DCHS1: variants seen among roughly 807,000 people sequenced by gnomAD.
DCHS1 encodes dachsous cadherin-related 1.
Under a neutral mutation model 213.9 loss-of-function variants are expected in DCHS1, and 78 were observed. The ratio of observed to expected loss-of-function variants is 0.36; its 90% CI spans 0.30 to 0.44. The LOEUF (loss-of-function observed/expected upper bound fraction) is 0.44. Among genes scored for constraint, DCHS1 ranks in the 20% least tolerant of loss-of-function variants. DCHS1 has a pLI of 1.00. For synonymous variants in DCHS1, 1,828 were observed against 1,873.7 expected (o/e 0.98, Z 0.63); for missense variants, 3,946 against 4,395.9 (o/e 0.90, Z 2.89).
At position 6,627,435 on chromosome 11, in the gene DCHS1, C is replaced by T. The variant is rs147841363; in HGVS notation, c.5604G>A (p.Val1868=). The T allele has an allele frequency of 4.6e-4, 746 of 1,610,682 alleles. No homozygotes were observed. In the African/African-American group the frequency reaches 7.4e-3, roughly 16 times the overall value. ...GCTGCAGCAGCAGGGTCCCTGCAGG[C>T]ACATCCTCCGGCACCTCCACCGAGT... ...PAYSVEVPED[V]PAGTLLLQLQ... is the part of the protein sequence containing the mutation. The change falls in exon 14 of 21, where the codon GTG becomes GTA. Residue 1868 remains valine, a synonymous_variant. Transcript: ENST00000299441. The surrounding 1 kb of genome is among the most constrained non-coding windows in gnomAD (Gnocchi z 5.4).
chr11:6,648,252 A>C, intron 1 of DCHS1, among the ~76,000 whole-genome samples: 1 of 152,144 alleles, frequency 6.6e-6, no homozygotes, highest in East Asian at 1.9e-4. Flanking sequence ...TAGAGTGAGC[A>C]GAGAGTCTTG....
Position 6,647,570 on chromosome 11 carries a change from C to T in DCHS1, c.-120-5837G>A, listed in dbSNP as rs11040942. 1.5e-3 allele frequency among the ~76,000 whole-genome samples: 225 copies of T among 152,252 alleles called. 1 individual carries two copies. Among genetic ancestry groups the T allele is most frequent in the Non-Finnish European group, 2.7e-3 (185 of 68,014 alleles). On this transcript the variant is annotated intron_variant, in intron 1 of 20. Transcript: ENST00000299441. ...GTCTATTTTCTGAGCTTTTATGGTG[C>T]GCTGGGCCCTGTGCCAAGCAGCTCA...
intron 1 of DCHS1, among the ~76,000 whole-genome samples, chr11:6,650,496 G>A (rs940172080): frequency 6.6e-6 from 1 of 152,168 alleles, no homozygotes; most frequent in African/African-American, 2.4e-5. Context: ...CAGATACCAG[G>A]GCATCAGAGA....
chr11:6,632,558 C>A lies in DCHS1; in HGVS notation c.2954G>T (p.Arg985Leu). The part of the protein sequence containing the change: ...SPPRTSHFRL[R>L]VVVQDVGTRG... ...GGTTCCCACATCCTGTACCACCACC[C>A]GTAGTCGAAAGTGGCTGGTGCGTGG... is the stretch of plus-strand genomic sequence containing the variant. The change falls in exon 6 of 21, where the codon CGG becomes CTG. Residue 985 changes from arginine to leucine, a missense_variant. Arg to Leu is a moderately radical substitution (Grantham distance 102). Around this residue, in one of 3 missense-constraint regions of DCHS1, gnomAD observed 3,384 missense variants for 3,780.1 expected, o/e 0.90. Transcript: ENST00000299441. This position sits in a 1 kb window ranked among gnomAD's most constrained non-coding sequence, Gnocchi z 5.9. 6.6e-7 allele frequency: 1 copy of A among 1,520,750 alleles called. No homozygotes were observed. 94.2% of individuals were successfully genotyped at this position (1,520,750 alleles called of 1,614,324 possible). A position where few individuals can be genotyped will look rare whatever the true frequency, so the allele number is the denominator to read the frequency against.
At chr11:6,642,338 C>G (rs181180523) in intron 1 of DCHS1, among the ~76,000 whole-genome samples, 1 of 152,232 alleles carries the variant, frequency 6.6e-6, no homozygotes, top group African/African-American at 2.4e-5. Flanking sequence ...CTTCATAGAG[C>G]TTATAGTCCA....
In DCHS1 at chr11:6,623,745, C is replaced by T; in HGVS notation, c.7931G>A (p.Gly2644Asp). Residue 2644 changes from glycine (G) to aspartate (D), a missense_variant, in exon 21 of 21, where the codon GGC (glycine) becomes GAC (aspartate). Around this residue, in one of 3 missense-constraint regions of DCHS1, gnomAD observed 3,384 missense variants for 3,780.1 expected, o/e 0.90. Coordinates refer to ENST00000299441, the MANE Select transcript of DCHS1 (RefSeq NM_003737.4). ...CAGCTCAAAGAGCCCTGATGGGTCG[C>T]CTGAGCTGACAGTGAAACGCACGAG... ...HGLVRFTVSS[G>D]DPSGLFELDE... 6.2e-7 allele frequency: 1 copy of T among 1,613,916 alleles called. No homozygotes were observed. The highest frequency in any genetic ancestry group is 8.5e-7 in the Non-Finnish European group (1 of 1,179,898).
chr11:6,627,346 G>A lies in DCHS1; in HGVS notation c.5693C>T (p.Thr1898Ile), dbSNP rs907194720. ...GHVTYYLGAG[T>I]AGAFLLEPSS... ...GGGCTCCAGCAGGAAGGCTCCTGCT[G>A]TACCGGCGCCCAGGTAGTAGGTCAC... Residue 1898 changes from threonine to isoleucine, a missense_variant, in exon 14 of 21, where the codon ACA becomes ATA. Physicochemically the swap from Thr to Ile is moderately conservative, Grantham distance 89. Coordinates refer to ENST00000299441, the MANE Select transcript of DCHS1 (RefSeq NM_003737.4). This position sits in a 1 kb window ranked among gnomAD's most constrained non-coding sequence, Gnocchi z 5.4. The A allele has an allele frequency of 2.5e-6, 4 of 1,608,472 alleles. No individual in the cohort carries two copies. Among genetic ancestry groups the A allele is most frequent in the Non-Finnish European group, 2.5e-6 (3 of 1,177,558 alleles).
rs751537875 is a variant in DCHS1, at chr11:6,640,727, C to T, written c.887G>A (p.Arg296Gln). Reference protein sequence around the residue: ...VNGAVTYEINRRQSEGDGPFS... With the variant: ...VNGAVTYEINQRQSEGDGPFS... ...GGGTCCATCACCCTCGCTCTGCCTCCGGTTGATCTCGTAAGTCACAGCCCC... is the reference window on the plus strand; with the variant it reads ...GGGTCCATCACCCTCGCTCTGCCTCTGGTTGATCTCGTAAGTCACAGCCCC... The change falls in exon 2 of 21, where the codon CGG becomes CAG. Residue 296 changes from arginine (R) to glutamine (Q), a missense_variant. By Grantham distance (43) the Arg-to-Gln change is conservative. This residue lies in a region of DCHS1 where 3,384 missense variants were observed against 3,780.1 expected (regional missense o/e 0.90). Transcript: ENST00000299441. The surrounding 1 kb of genome is among the most constrained non-coding windows in gnomAD (Gnocchi z 6.5). 5.6e-6 allele frequency: 9 copies of T among 1,613,838 alleles called. No homozygotes were observed. Among genetic ancestry groups the T allele is most frequent in the African/African-American group, 1.3e-5 (1 of 74,926 alleles).
At chr11:6,642,105 C>T (rs916429339) in intron 1 of DCHS1, among the ~76,000 whole-genome samples, 1 of 152,154 alleles carries the variant, frequency 6.6e-6, no homozygotes, top group Non-Finnish European at 1.5e-5. Context: ...TATTTGGTAA[C>T]TTTTCCTGAA....
At chr11:6,646,183 T>A (rs1297211809) in intron 1 of DCHS1, among the ~76,000 whole-genome samples, 2 of 151,870 alleles carry the variant, frequency 1.3e-5, no homozygotes, top group African/African-American at 4.8e-5. Flanking sequence ...GTGTCACGTA[T>A]GCACAGACTG....
At chr11:6,631,951 G>A (rs1855914936) in intron 6 of DCHS1, 80 bp downstream of exon 6, 1 of 1,463,972 alleles carries the variant, frequency 6.8e-7, no homozygotes, top group South Asian at 1.5e-5. Flanking sequence ...ATGGGAGCTG[G>A]GGGTTGGGGA....
At position 6,655,748 on chromosome 11, in the gene DCHS1, G is replaced by C; in HGVS notation, c.-306C>G. On this transcript the variant is annotated 5_prime_UTR_variant, in exon 1 of 21. Transcript: ENST00000299441. ...CGCGCCCTTGGCCGTCGATCGGTCC[G>C]TCCGCTGACGCCCGGGCGCCGCCTC... The C allele has an allele frequency of 2.6e-5, 25 of 980,126 alleles. No homozygotes were observed. Among genetic ancestry groups the C allele is most frequent in the Non-Finnish European group, 2.9e-5 (24 of 827,976 alleles). 60.7% of individuals were successfully genotyped at this position (980,126 alleles called of 1,614,324 possible). A position where few individuals can be genotyped will look rare whatever the true frequency, so the allele number is the denominator to read the frequency against.
chr11:6,629,971 C>G, intron 10 of DCHS1, 28 bp downstream of exon 10: 1 of 1,590,022 alleles, frequency 6.3e-7, no homozygotes, highest in Non-Finnish European at 8.6e-7. Flanking sequence ...GCACCTTCCT[C>G]GCCCTCACTC....
rs1257270004 is a variant in DCHS1 at position 6,621,684 on chromosome 11, AGTCATAGTCC to A, written c.*85_*94del. ...GCCTGGTGGTGGCCTCCCCGTAGCC[AGTCATAGTCC>A]GAGGCTGCCCAGGGCAGGCTCAGAG... is the stretch of plus-strand genomic sequence containing the variant. On this transcript the variant is annotated 3_prime_UTR_variant, in exon 21 of 21. Transcript: ENST00000299441. The A allele has an allele frequency of 7.0e-7, 1 of 1,430,838 alleles. No homozygotes were observed. Among genetic ancestry groups the A allele is most frequent in the Non-Finnish European group, 9.5e-7 (1 of 1,051,274 alleles). The allele number at this position is 1,430,838 out of a possible 1,614,324, so 88.6% of individuals were successfully genotyped here.
chr11:6,623,891 G>C lies in DCHS1; in HGVS notation c.7785C>G (p.Val2595=). ...VVPVTVTVLD[V]NDNPPVFTRA... ...GGGTAAAGACAGGTGGGTTGTCATTGACATCTAGTACAGTGACAGTGACTG... is the reference window on the plus strand; with the variant it reads ...GGGTAAAGACAGGTGGGTTGTCATTCACATCTAGTACAGTGACAGTGACTG... The change falls in exon 21 of 21, where the codon GTC becomes GTG. Residue 2595 remains valine, a synonymous_variant. Transcript: ENST00000299441. 1 of 1,610,750 alleles carries C rather than the reference G, an allele frequency of 6.2e-7. No individual in the cohort carries two copies. The highest frequency in any genetic ancestry group is 2.2e-5 in the East Asian group (1 of 44,802).
Position 6,623,530 on chromosome 11 carries a change from C to T in DCHS1, c.8146G>A (p.Ala2716Thr). 1.2e-6 allele frequency: 2 copies of T among 1,608,756 alleles called. No individual in the cohort carries two copies. Among genetic ancestry groups the T allele is most frequent in the East Asian group, 2.2e-5 (1 of 44,694 alleles). Reference sequence around the variant, plus strand: ...AGAGTGCCTGGAGGCTGATTCTCGGCCACGCTGGTGCTGAGTAAGTTCAGT... The same window carrying T: ...AGAGTGCCTGGAGGCTGATTCTCGGTCACGCTGGTGCTGAGTAAGTTCAGT... ...FPLNLLSTSVAENQPPGTLVT... is the reference protein window; with the variant it reads ...FPLNLLSTSVTENQPPGTLVT... The change falls in exon 21 of 21, where the codon GCC (alanine) becomes ACC (threonine). Residue 2716 changes from alanine (A) to threonine (T), a missense_variant. Physicochemically the swap from Ala to Thr is moderately conservative, Grantham distance 58. Transcript: ENST00000299441.
chr11:6,621,870 G>C lies in DCHS1; in HGVS notation c.9806C>G (p.Ser3269Ter). ...SPLAARSPVV[S>*]PFGVAQGPSA... is the part of the protein sequence containing the mutation. Reference sequence around the variant, plus strand: ...GGGACCCTGGGCCACCCCAAATGGTGAGACAACGGGTGAGCGAGCAGCCAG... The same window carrying C: ...GGGACCCTGGGCCACCCCAAATGGTCAGACAACGGGTGAGCGAGCAGCCAG... The change falls in exon 21 of 21, where the codon TCA becomes TGA. Residue 3269 changes from serine (S) to a stop codon, truncating the protein, a stop_gained. Coordinates refer to ENST00000299441, the MANE Select transcript of DCHS1 (RefSeq NM_003737.4). LOFTEE classifies it high-confidence loss of function. 6.2e-7 allele frequency: 1 copy of C among 1,611,922 alleles called. No homozygotes were observed. The highest frequency in any genetic ancestry group is 8.5e-7 in the Non-Finnish European group (1 of 1,178,914).
At position 6,621,791 on chromosome 11, in the gene DCHS1, C is replaced by T. The variant is rs765591706; in HGVS notation, c.9885G>A (p.Glu3295=). The part of the protein sequence containing the change: ...ESGLEPPDDT[E]LHI The stretch of plus-strand genomic sequence containing the variant: ...GCCTGGGCCACAGCTAGATGTGCAG[C>T]TCCGTGTCATCAGGTGGCTCCAGGC... Residue 3295 remains glutamate (E), a synonymous_variant, in exon 21 of 21, where the codon GAG becomes GAA. Transcript: ENST00000299441. The T allele has an allele frequency of 3.8e-6, 6 of 1,587,974 alleles. No individual in the cohort carries two copies. The highest frequency in any genetic ancestry group is 5.1e-6 in the Non-Finnish European group (6 of 1,167,724).
chr11:6,637,561 G>A (rs1469923986), intron 2 of DCHS1, among the ~76,000 whole-genome samples: 2 of 151,904 alleles, frequency 1.3e-5, no homozygotes, highest in African/African-American at 4.8e-5. Flanking sequence ...CAGAGATCCT[G>A]AGCCCCTAGT....
Sources: gnomAD v4.1 joint callset for allele counts (sites outside exome capture counted in the v4.1 genomes callset) on GRCh38, gnomAD v4.1.1 for gene constraint, gnomAD v4.1.1 regional missense constraint, Gnocchi (gnomAD v3.1) non-coding constraint, MANE v1.5 for transcripts, NCBI Gene and HGNC (gene_info 2026-07-23, HGNC 2026-07-21) for gene names.